SLC25A6: variants seen among roughly 807,000 people sequenced by gnomAD.
SLC25A6 encodes the protein solute carrier family 25 member 6.
In SLC25A6, 9 loss-of-function variants were observed where a neutral mutation model predicts 25.7. The ratio of observed to expected loss-of-function variants is 0.35; its 90% CI spans 0.21 to 0.61. The LOEUF (loss-of-function observed/expected upper bound fraction) is 0.61. SLC25A6 is among the 20% of genes least tolerant of loss of function. The pLI is 0.76. For synonymous variants in SLC25A6, 223 were observed against 197.0 expected, an observed-to-expected ratio of 1.13 and a Z score of -1.11; for missense variants, 404 against 440.5, an observed-to-expected ratio of 0.92 and a Z score of 0.74.
In SLC25A6 at chrX:1,386,508, T is replaced by A; in HGVS notation, c.*94A>T. The stretch of plus-strand genomic sequence containing the variant: ...GCGGCTGGGAAAAAGACAACTGGAA[T>A]TTCTCGAAGGTTGATGGTCCGCACG... On this transcript the variant is annotated 3_prime_UTR_variant, in exon 4 of 4. Transcript: ENST00000381401. 1 of 1,338,368 alleles carries A rather than the reference T, an allele frequency of 7.5e-7. No individual in the cohort carries two copies. Among genetic ancestry groups the A allele is most frequent in the Non-Finnish European group, 9.7e-7 (1 of 1,032,274 alleles). The allele number at this position is 1,338,368 out of a possible 1,614,324, so 82.9% of individuals were successfully genotyped here. A position where few individuals can be genotyped will look rare whatever the true frequency, so the allele number is the denominator to read the frequency against.
intron 3 of SLC25A6, 42 bp from the exon 4 acceptor site, chrX:1,386,801 C>T: frequency 1.3e-6 from 2 of 1,586,156 alleles, no homozygotes; most frequent in Non-Finnish European, 8.6e-7. Context: ...CCGCCAAGCT[C>T]TTCAAGACAC....
chrX:1,389,730 G>T lies in SLC25A6; in HGVS notation c.112-3C>A. 6.2e-7 allele frequency: 1 copy of T among 1,611,266 alleles called. No homozygotes were observed. Among genetic ancestry groups the T allele is most frequent in the Non-Finnish European group, 8.5e-7 (1 of 1,178,882 alleles). ...ATCTGCTTGCTGGCGTGCTGGACCTGGGGGACGCAGAGGGTGTTCAGACCA... is the reference window on the plus strand; with the variant it reads ...ATCTGCTTGCTGGCGTGCTGGACCTTGGGGACGCAGAGGGTGTTCAGACCA... On this transcript the variant is annotated splice_region_variant and splice_polypyrimidine_tract_variant and intron_variant, in intron 1 of 3. Transcript: ENST00000381401.
Position 1,387,268 on chromosome X carries a change from C to A in SLC25A6, c.739+11G>T, listed in dbSNP as rs1194327456. The A allele has an allele frequency of 6.2e-7, 1 of 1,610,220 alleles. No homozygotes were observed. Among genetic ancestry groups the A allele is most frequent in the Non-Finnish European group, 8.5e-7 (1 of 1,178,146 alleles). The stretch of plus-strand genomic sequence containing the variant: ...TTCCCGGCAGCAAGGGTCCCCCGCC[C>A]CCCCGAGTACCTCCTTTGCGCCCGG... On this transcript the variant is annotated intron_variant, in intron 3 of 3. Transcript: ENST00000381401.
Position 1,386,611 on chromosome X carries a change from C to T in SLC25A6, c.888G>A (p.Lys296=). 6.4e-7 allele frequency: 1 copy of T among 1,573,380 alleles called. No homozygotes were observed. The highest frequency in any genetic ancestry group is 8.6e-7 in the Non-Finnish European group (1 of 1,161,870). Reference sequence around the variant, plus strand: ...GAGGAGGCCGCGGCCCTTAGATCACCTTCTTGAGCTCGTCGTACAGGACCA... The same window carrying T: ...GAGGAGGCCGCGGCCCTTAGATCACTTTCTTGAGCTCGTCGTACAGGACCA... ...FVLVLYDELK[K]VI is the part of the protein sequence containing the mutation. Residue 296 remains lysine, a synonymous_variant, in exon 4 of 4, where the codon AAG becomes AAA. Transcript: ENST00000381401.
chrX:1,389,418 G>C lies in SLC25A6; in HGVS notation c.421C>G (p.Leu141Val), dbSNP rs754262370. Residue 141 changes from leucine (L) to valine (V), a missense_variant, in exon 2 of 4, where the codon CTG becomes GTG. Transcript: ENST00000381401. ...VYPLDFARTR[L>V]AADVGKSGTE... Reference sequence around the variant, plus strand: ...CCTGACTTTCCCACGTCCGCTGCCAGGCGGGTTCTGGCGAAATCCAGCGGG... The same window carrying C: ...CCTGACTTTCCCACGTCCGCTGCCACGCGGGTTCTGGCGAAATCCAGCGGG... 6.8e-6 allele frequency: 11 copies of C among 1,613,678 alleles called. No homozygotes were observed.
Position 1,387,464 on chromosome X carries a change from AC to A in SLC25A6, c.599-46del, listed in dbSNP as rs1415706383. 3 of 1,604,130 alleles carry A rather than the reference AC, an allele frequency of 1.9e-6. No individual in the cohort carries two copies. In the Admixed American group the frequency reaches 5.0e-5, roughly 27 times the overall value. On this transcript the variant is annotated intron_variant, in intron 2 of 3. Transcript: ENST00000381401. ...CACCGTCTCCAGCGCCTGCACGGCC[AC>A]CCGAGACCAGGGTCGGCCCCCAGGG...
At chrX:1,390,308 ATTTT>A (rs1479972068) in intron 1 of SLC25A6, 1 of 139,008 alleles carries the variant, frequency 7.2e-6, no homozygotes, top group Non-Finnish European at 1.6e-5. Flanking sequence ...GTTTAAAAAA[ATTTT>A]TTAAGCCGGG....
intron 3 of SLC25A6, among the ~76,000 whole-genome samples, 176 bp downstream of exon 3, chrX:1,387,103 C>T (rs1209422469): frequency 6.6e-6 from 1 of 152,160 alleles, no homozygotes; most frequent in East Asian, 1.9e-4. Flanking sequence ...CCAAAAAGAT[C>T]AGAAGCCCAT....
rs2089373652 is a variant in SLC25A6, at chrX:1,389,488, C to A, written c.351G>T (p.Leu117=). 6.2e-7 allele frequency: 1 copy of A among 1,614,110 alleles called. No homozygotes were observed. The highest frequency in any genetic ancestry group is 8.5e-7 in the Non-Finnish European group (1 of 1,180,004). ...TQFWRYFAGN[L]ASGGAAGATS... Reference sequence around the variant, plus strand: ...TCGCGCCGGCCGCACCGCCGGAGGCCAGGTTGCCCGCAAAGTACCTCCAGA... The same window carrying A: ...TCGCGCCGGCCGCACCGCCGGAGGCAAGGTTGCCCGCAAAGTACCTCCAGA... The change falls in exon 2 of 4, where the codon CTG becomes CTT. Residue 117 remains leucine, a synonymous_variant. Transcript: ENST00000381401.
At chrX:1,387,507 T>C (rs766316005) in intron 2 of SLC25A6, 88 bp from the exon 3 acceptor site, 505 of 1,555,142 alleles carry the variant, frequency 3.2e-4, no homozygotes, top group Admixed American at 5.1e-4. Flanking sequence ...CACGGCCCCC[T>C]GAGGTGGTGC....
intron 2 of SLC25A6, 133 bp from the exon 3 acceptor site, chrX:1,387,552 G>A (rs1162077705): frequency 1.8e-5 from 23 of 1,313,172 alleles, no homozygotes; most frequent in East Asian, 4.9e-5. Flanking sequence ...CCCCCTCCAC[G>A]TGGCTGCTCA....
In SLC25A6 at chrX:1,392,058, G is replaced by A. The variant is rs2089422217; in HGVS notation, c.-49C>T. On this transcript the variant is annotated 5_prime_UTR_variant, in exon 1 of 4. Transcript: ENST00000381401. The stretch of plus-strand genomic sequence containing the variant: ...GGGAGGACAGCCGGAGAACGGGCGC[G>A]GAGAGTGAATGGAGGGCGTCGCTGG... The A allele has an allele frequency of 2.8e-6, 4 of 1,433,826 alleles. No homozygotes were observed. Among genetic ancestry groups the A allele is most frequent in the Middle Eastern group, 2.4e-4 (1 of 4,150 alleles). The allele number at this position is 1,433,826 out of a possible 1,614,324, so 88.8% of individuals were successfully genotyped here.
intron 2 of SLC25A6, among the ~76,000 whole-genome samples, chrX:1,387,662 G>A (rs1300748539): frequency 1.3e-5 from 2 of 152,216 alleles, no homozygotes; most frequent in South Asian, 2.1e-4. Context: ...CCCAGAGGCC[G>A]GGGTTAGGCC....
rs2089419033 is a variant in SLC25A6 at position 1,391,886 on chromosome X, C to G, written c.111+13G>C. ...TCCCCTAGTCCCCGGAGCGGCCGCG[C>G]CCGCGTCCCCACCTGCAGCAGCAGC... On this transcript the variant is annotated intron_variant, in intron 1 of 3. Transcript: ENST00000381401. 6.3e-7 allele frequency: 1 copy of G among 1,580,590 alleles called. No homozygotes were observed. The highest frequency in any genetic ancestry group is 1.4e-5 in the African/African-American group (1 of 73,926).
rs2089329578 is a variant in SLC25A6, at chrX:1,386,709, C to T, written c.790G>A (p.Asp264Asn). The part of the protein sequence containing the change: ...TVDCWRKIFR[D>N]EGGKAFFKGA... ...TTGAAGAAGGCCTTGCCCCCCTCAT[C>T]TCTGAAGATCTTCCTCCAACAGTCG... The change falls in exon 4 of 4, where the codon GAT becomes AAT. Residue 264 changes from aspartate to asparagine, a missense_variant. Transcript: ENST00000381401. 1.2e-6 allele frequency: 2 copies of T among 1,612,926 alleles called. No individual in the cohort carries two copies. Among genetic ancestry groups the T allele is most frequent in the Non-Finnish European group, 1.7e-6 (2 of 1,179,272 alleles).
In SLC25A6 at chrX:1,386,491, G is replaced by A. The variant is rs2089325667; in HGVS notation, c.*111C>T. The A allele has an allele frequency of 7.5e-7, 1 of 1,332,500 alleles. No homozygotes were observed. The highest frequency in any genetic ancestry group is 9.8e-7 in the Non-Finnish European group (1 of 1,021,440). 82.5% of individuals were successfully genotyped at this position (1,332,500 alleles called of 1,614,324 possible). ...CCATCTACAGGCAGGATGCGGCTGG[G>A]AAAAAGACAACTGGAATTTCTCGAA... On this transcript the variant is annotated 3_prime_UTR_variant, in exon 4 of 4. Transcript: ENST00000381401.
chrX:1,387,442 C>G, intron 2 of SLC25A6, 23 bp from the exon 3 acceptor site: 1 of 1,609,584 alleles, frequency 6.2e-7, no homozygotes, highest in Non-Finnish European at 8.5e-7. Context: ...GGCACGTCAC[C>G]GTCTCCAGCG....
At chrX:1,390,577 CA>C (rs760342805) in intron 1 of SLC25A6, among the ~76,000 whole-genome samples, 20,157 of 113,224 alleles carry the variant, frequency 0.18, 1,466 homozygotes, top group Middle Eastern at 0.33. Context: ...GACTCCATCT[CA>C]AAAAAAAAAA....
At chrX:1,391,335 C>G (rs776184309) in intron 1 of SLC25A6, among the ~76,000 whole-genome samples, 1 of 152,198 alleles carries the variant, frequency 6.6e-6, no homozygotes, top group Non-Finnish European at 1.5e-5. Context: ...CGGCAATGTT[C>G]CTAGGCATCA....
Sources: gnomAD v4.1 joint callset for allele counts (sites outside exome capture counted in the v4.1 genomes callset) on GRCh38, gnomAD v4.1.1 for gene constraint, MANE v1.5 for transcripts, NCBI Gene and HGNC (gene_info 2026-07-23, HGNC 2026-07-21) for gene names.